SLC26A7: variants seen among roughly 807,000 people sequenced by gnomAD.
SLC26A7 encodes the protein anion exchange transporter.
SLC26A7 carries 59 observed loss-of-function variants against 82.5 expected under a neutral mutation model. That is an observed-to-expected ratio of 0.72 (90% CI 0.58 to 0.89). The LOEUF (loss-of-function observed/expected upper bound fraction) is 0.89. SLC26A7 is among the 40% of genes least tolerant of loss of function. The pLI is 0.00. For synonymous variants in SLC26A7, 271 were observed against 274.3 expected (o/e 0.99, Z 0.12); for missense variants, 820 against 793.0 (o/e 1.03, Z -0.41).
intron 15 of SLC26A7, among the ~76,000 whole-genome samples, chr8:91,382,538 T>C (rs1814695965): frequency 6.6e-6 from 1 of 152,168 alleles, no homozygotes; most frequent in Non-Finnish European, 1.5e-5. Context: ...TCAATCTTGT[T>C]AGGGAGAAAA....
intron 12 of SLC26A7, 125 bp from the exon 13 acceptor site, chr8:91,363,347 T>C: frequency 1.9e-6 from 1 of 533,988 alleles, no homozygotes; most frequent in Non-Finnish European, 3.3e-6. Flanking sequence ...TATGAACAAA[T>C]GAGTTATAGG....
At chr8:91,332,227 ATATT>A (rs898778634) in intron 5 of SLC26A7, among the ~76,000 whole-genome samples, 17 of 144,454 alleles carry the variant, frequency 1.2e-4, no homozygotes, top group African/African-American at 3.8e-4. Context: ...TATTCAATAT[ATATT>A]TAATTAATAT....
In SLC26A7 at chr8:91,328,957, G is replaced by A. The variant is rs114586053; in HGVS notation, c.643-5338G>A. ...ACAACCAATATTACAGTCTCAAAAT[G>A]AGCTGAACTCTCAATATATAATGAA... On this transcript the variant is annotated intron_variant, in intron 5 of 18. Transcript: ENST00000276609. 5.0e-3 allele frequency among the ~76,000 whole-genome samples: 768 copies of A among 152,154 alleles called. 5 individuals carry two copies. The highest frequency in any genetic ancestry group is 0.018 in the African/African-American group (732 of 41,536).
At chr8:91,290,806 C>T (rs1230914523) in intron 3 of SLC26A7, among the ~76,000 whole-genome samples, 1 of 152,124 alleles carries the variant, frequency 6.6e-6, no homozygotes, top group East Asian at 1.9e-4. Flanking sequence ...GTTAACATAA[C>T]ATTTTATTTA....
At chr8:91,285,624 T>G (rs1434436707) in intron 2 of SLC26A7, among the ~76,000 whole-genome samples, 1 of 152,250 alleles carries the variant, frequency 6.6e-6, no homozygotes. Context: ...GATAGACATT[T>G]CTGGGGCAGT....
At chr8:91,295,454 C>T (rs959442089) in intron 3 of SLC26A7, 77 bp from the exon 4 acceptor site, 25 of 1,513,888 alleles carry the variant, frequency 1.7e-5, no homozygotes, top group Admixed American at 9.4e-5. Flanking sequence ...AATGTAGCTT[C>T]GACAGAATCC....
chr8:91,326,669 A>C (rs1324486070), intron 5 of SLC26A7, among the ~76,000 whole-genome samples: 2 of 152,222 alleles, frequency 1.3e-5, no homozygotes, highest in Admixed American at 6.5e-5. Flanking sequence ...GTTGTCTCAG[A>C]AGTGAGCAGC....
Position 91,249,599 on chromosome 8 carries a change from T to A in SLC26A7, c.-53T>A, listed in dbSNP as rs935962081. ...GGCATTGAAAGGAGGTGTTCTGCAA[T>A]GATTTTTTTTCTTGTTTAGAGAAGT... On this transcript the variant is annotated 5_prime_UTR_variant, in exon 2 of 19. It removes an upstream start codon present in the reference 5' UTR. Transcript: ENST00000276609. 1 of 1,427,182 alleles carries A rather than the reference T, an allele frequency of 7.0e-7. No individual in the cohort carries two copies. The highest frequency in any genetic ancestry group is 1.5e-5 in the African/African-American group (1 of 68,092). 88.4% of individuals were successfully genotyped at this position (1,427,182 alleles called of 1,614,324 possible).
chr8:91,239,524 A>G (rs1810446294), intron 2 of SLC26A7, among the ~76,000 whole-genome samples: 1 of 151,536 alleles, frequency 6.6e-6, no homozygotes, highest in Non-Finnish European at 1.5e-5. Flanking sequence ...ATGAGAAAAT[A>G]TTTCTGCTAG....
intron 2 of SLC26A7, among the ~76,000 whole-genome samples, chr8:91,263,641 T>C (rs1010489643): frequency 1.8e-4 from 27 of 152,214 alleles, no homozygotes; most frequent in African/African-American, 6.5e-4. Flanking sequence ...ATTCTCTTAG[T>C]TCCCTTCTTT....
At chr8:91,282,334 G>A (rs971801623) in intron 2 of SLC26A7, among the ~76,000 whole-genome samples, 18 of 152,254 alleles carry the variant, frequency 1.2e-4, no homozygotes, top group African/African-American at 4.1e-4. Context: ...TGTTGCTGCA[G>A]TTCTTCTCTA....
chr8:91,369,877 G>T, intron 15 of SLC26A7, 44 bp downstream of exon 15: 1 of 1,448,738 alleles, frequency 6.9e-7, no homozygotes, highest in Non-Finnish European at 9.6e-7. Context: ...TGTTTACCTT[G>T]AAGATAGACC....
rs1375404665 is a variant in SLC26A7, at chr8:91,236,361, A to C, written c.-33-13258A>C. Among the ~76,000 whole-genome samples, 4 of 152,316 alleles carry C rather than the reference A, an allele frequency of 2.6e-5. No homozygotes were observed. In the South Asian group the frequency reaches 8.3e-4, roughly 32 times the overall value. On this transcript the variant is annotated intron_variant, in intron 2 of 5. Coordinates refer to the SLC26A7 transcript ENST00000522862. ...TTAGGAGAAGGTCTGGGAAGTCCAA[A>C]GTCCCTCTGAGTAATTTCATAATTA...
chr8:91,384,344 C>G (rs1230196961), intron 15 of SLC26A7, among the ~76,000 whole-genome samples: 4 of 152,092 alleles, frequency 2.6e-5, no homozygotes, highest in African/African-American at 9.7e-5. Flanking sequence ...GAGATGTGGT[C>G]TCTTCTGTCA....
chr8:91,318,158 C>T (rs892654801), intron 4 of SLC26A7, 58 bp from the exon 5 acceptor site: 1 of 1,467,052 alleles, frequency 6.8e-7, no homozygotes, highest in Non-Finnish European at 9.3e-7. Flanking sequence ...ATTAAGCCCT[C>T]TGGGAACTTT....
intron 14 of SLC26A7, 128 bp from the exon 15 acceptor site, chr8:91,369,657 C>T (rs563173559): frequency 2.2e-5 from 13 of 589,430 alleles, no homozygotes; most frequent in Non-Finnish European, 3.8e-5. Context: ...GAAAAGAATG[C>T]TAGTGAAAAA....
intron 1 of SLC26A7, among the ~76,000 whole-genome samples, chr8:91,217,557 C>T (rs1393811144): frequency 6.6e-6 from 1 of 152,070 alleles, no homozygotes; most frequent in Non-Finnish European, 1.5e-5. Context: ...AGACTAATCA[C>T]CATTGTCAGA....
upstream of SLC26A7, among the ~76,000 whole-genome samples, chr8:91,247,166 A>T (rs543370986): frequency 3.3e-5 from 5 of 152,352 alleles, no homozygotes; most frequent in South Asian, 1.0e-3. Flanking sequence ...GATGTAATCA[A>T]AATGAGATTT....
intron 2 of SLC26A7, among the ~76,000 whole-genome samples, chr8:91,234,821 C>T (rs994492070): frequency 0.013 from 1,260 of 99,084 alleles, 9 homozygotes; most frequent in Non-Finnish European, 0.016. Context: ...ACCTACCTAC[C>T]TACCTACTTC....
Sources: gnomAD v4.1 joint callset for allele counts (sites outside exome capture counted in the v4.1 genomes callset) on GRCh38, gnomAD v4.1.1 for gene constraint, MANE v1.5 for transcripts, NCBI Gene and HGNC (gene_info 2026-07-23, HGNC 2026-07-21) for gene names.